RGSL1: variants seen among roughly 807,000 people sequenced by gnomAD.
RGSL1 encodes the protein regulator of G protein signaling protein-like.
Under a neutral mutation model 124.7 loss-of-function variants are expected in RGSL1, and 97 were observed. The observed-to-expected ratio is 0.78, with a 90% CI of 0.66 to 0.92. The LOEUF (loss-of-function observed/expected upper bound fraction) is 0.92. Among genes scored for constraint, RGSL1 ranks in the 40% least tolerant of loss-of-function variants. The pLI, the probability that RGSL1 is intolerant of heterozygous loss-of-function variation, is 0.00. For missense variants in RGSL1, 1,233 were observed against 1,288.4 expected, an observed-to-expected ratio of 0.96 and a Z score of 0.66; for synonymous variants, 424 against 438.1, an observed-to-expected ratio of 0.97 and a Z score of 0.40.
In RGSL1 at chr1:182,550,920, A is replaced by G. The variant is rs1660519973; in HGVS notation, c.2934-180A>G. The G allele has an allele frequency of 5.0e-6, 3 of 594,708 alleles. No homozygotes were observed. The South Asian group carries it at 6.3e-5, about 13-fold the overall frequency. 36.8% of individuals were successfully genotyped at this position (594,708 alleles called of 1,614,324 possible). On this transcript the variant is annotated intron_variant, in intron 17 of 21. Coordinates refer to ENST00000294854, the MANE Select transcript of RGSL1 (RefSeq NM_001137669.2). Reference sequence around the variant, plus strand: ...GCGCTGGAGCCAGGTCTGGACAAAGAGGAGGCCTCAGAACAAAGGCCACTG... The same window carrying G: ...GCGCTGGAGCCAGGTCTGGACAAAGGGGAGGCCTCAGAACAAAGGCCACTG...
At chr1:182,492,861 C>A (rs1044375492) in intron 8 of RGSL1, 161 bp from the exon 9 acceptor site, 2 of 609,682 alleles carry the variant, frequency 3.3e-6, no homozygotes, top group Non-Finnish European at 5.9e-6. Context: ...AATCTCCTGA[C>A]TTTGTGATCC....
chr1:182,508,736 G>C (rs1395123369), intron 9 of RGSL1, among the ~76,000 whole-genome samples: 1 of 136,148 alleles, frequency 7.3e-6, no homozygotes, highest in African/African-American at 2.8e-5. Context: ...TCTCACAGAG[G>C]GGGATTTGGC....
chr1:182,527,033 T>C (rs1228573895), intron 10 of RGSL1, among the ~76,000 whole-genome samples: 2 of 152,164 alleles, frequency 1.3e-5, no homozygotes, highest in Non-Finnish European at 2.9e-5. Context: ...ACTGGAGATA[T>C]AGTTTTGCTA....
chr1:182,512,315 T>C (rs951209812), intron 9 of RGSL1, among the ~76,000 whole-genome samples: 1 of 152,342 alleles, frequency 6.6e-6, no homozygotes, highest in African/African-American at 2.4e-5. Flanking sequence ...TTATCTGATG[T>C]AAGTATAGCT....
chr1:182,509,895 G>C (rs1204447092), intron 9 of RGSL1, among the ~76,000 whole-genome samples: 38 of 139,594 alleles, frequency 2.7e-4, no homozygotes, highest in Non-Finnish European at 5.5e-4. Flanking sequence ...GGTGGCTGCC[G>C]GGCGGAGAGG....
intron 21 of RGSL1, among the ~76,000 whole-genome samples, chr1:182,560,029 A>G (rs1001523856): frequency 6.6e-6 from 1 of 152,236 alleles, no homozygotes; most frequent in Non-Finnish European, 1.5e-5. Context: ...TAGTTGCCTC[A>G]TAAATACATA....
At chr1:182,458,500 C>T in intron 3 of RGSL1, 107 bp downstream of exon 3, 1 of 909,740 alleles carries the variant, frequency 1.1e-6, no homozygotes, top group Non-Finnish European at 1.7e-6. Flanking sequence ...GATGGGGTCT[C>T]ATTCTGTCAC....
Position 182,481,099 on chromosome 1 carries a change from G to T in RGSL1, c.1431+6557G>T, listed in dbSNP as rs560371268. Among the ~76,000 whole-genome samples, 9 of 152,078 alleles carry T rather than the reference G, an allele frequency of 5.9e-5. No individual in the cohort carries two copies. In the South Asian group the frequency reaches 1.7e-3, roughly 28 times the overall value. The stretch of plus-strand genomic sequence containing the variant: ...TTATCAGAAGGAAGAAGAGGATGAA[G>T]ATTAGAGAAGAAATAAATGAAATGG... On this transcript the variant is annotated intron_variant, in intron 6 of 21. Transcript: ENST00000294854.
intron 14 of RGSL1, among the ~76,000 whole-genome samples, chr1:182,534,561 C>T (rs1659410389): frequency 6.6e-6 from 1 of 152,204 alleles, no homozygotes; most frequent in Non-Finnish European, 1.5e-5. Flanking sequence ...GGCACGGTGG[C>T]TTACGCCTGT....
At chr1:182,539,706 C>T (rs1659765817) in intron 14 of RGSL1, among the ~76,000 whole-genome samples, 1 of 152,212 alleles carries the variant, frequency 6.6e-6, no homozygotes. Context: ...CTAAAGGAAG[C>T]ATTCTATTTT....
chr1:182,451,475 G>A (rs904047915), intron 1 of RGSL1, among the ~76,000 whole-genome samples: 12 of 116,366 alleles, frequency 1.0e-4, no homozygotes, highest in Non-Finnish European at 2.4e-4. Flanking sequence ...TAATTTGTGA[G>A]CTGACTGTGC....
chr1:182,465,839 A>G (rs1167292037), intron 4 of RGSL1, among the ~76,000 whole-genome samples: 2 of 152,112 alleles, frequency 1.3e-5, no homozygotes, highest in Non-Finnish European at 2.9e-5. Context: ...CCTGATACTA[A>G]AGCCAAACAA....
chr1:182,457,042 G>T (rs1652394026), intron 2 of RGSL1, among the ~76,000 whole-genome samples: 1 of 152,082 alleles, frequency 6.6e-6, no homozygotes, highest in South Asian at 2.1e-4. Flanking sequence ...GGCTACTAGG[G>T]AGGCTGAGGT....
intron 3 of RGSL1, among the ~76,000 whole-genome samples, chr1:182,459,390 C>A (rs1652620982): frequency 6.6e-6 from 1 of 152,142 alleles, no homozygotes; most frequent in Admixed American, 6.5e-5. Flanking sequence ...ACCCTGATAA[C>A]AACAAGGTTT....
rs1485093183 is a variant in RGSL1 at position 182,458,387 on chromosome 1, T to G, written c.165T>G (p.Cys55Trp). Reference sequence around the variant, plus strand: ...GGAGCTTGTGGCCAGAAATACCTTGTAACTTGGTGAGTAAAATTCTTCAGA... The same window carrying G: ...GGAGCTTGTGGCCAGAAATACCTTGGAACTTGGTGAGTAAAATTCTTCAGA... ...SQWSLWPEIP[C>W]NLIAKYKGLL... is the part of the protein sequence containing the mutation. Residue 55 changes from cysteine to tryptophan, a missense_variant, in exon 3 of 22, where the codon TGT becomes TGG. Coordinates refer to ENST00000294854, the MANE Select transcript of RGSL1 (RefSeq NM_001137669.2). The G allele has an allele frequency of 6.4e-7, 1 of 1,551,528 alleles. No homozygotes were observed. The highest frequency in any genetic ancestry group is 1.4e-5 in the African/African-American group (1 of 73,056).
Position 182,473,795 on chromosome 1 carries a change from A to G in RGSL1, c.684A>G (p.Gly228=). The change falls in exon 6 of 22, where the codon GGA becomes GGG. Residue 228 remains glycine, a synonymous_variant. Coordinates refer to ENST00000294854, the MANE Select transcript of RGSL1 (RefSeq NM_001137669.2). ...ACAGCGTTTGCTACACCCACATAGG[A>G]GGGCTCCCTCTGAACATGAGCATCA... ...RLYSVCYTHI[G]GLPLNMSIKK... is the part of the protein sequence containing the mutation. 4 of 1,551,702 alleles carry G rather than the reference A, an allele frequency of 2.6e-6. No individual in the cohort carries two copies. The highest frequency in any genetic ancestry group is 3.5e-6 in the Non-Finnish European group (4 of 1,146,988).
intron 4 of RGSL1, chr1:182,471,153 G>A (rs1411156607): frequency 2.5e-6 from 1 of 398,364 alleles, no homozygotes; most frequent in African/African-American, 2.1e-5. Context: ...TCTGGACCCT[G>A]CTCATCTAAC....
intron 4 of RGSL1, among the ~76,000 whole-genome samples, chr1:182,465,896 T>C (rs186039873): frequency 6.6e-6 from 1 of 152,182 alleles, no homozygotes; most frequent in East Asian, 1.9e-4. Context: ...CTGATGAACA[T>C]TGATGCAAAA....
intron 19 of RGSL1, 111 bp from the exon 20 acceptor site, chr1:182,554,516 T>G: frequency 1.2e-6 from 1 of 836,436 alleles, no homozygotes; most frequent in East Asian, 2.7e-5. Context: ...ACCCCTACAT[T>G]GGAGGTGTCC....
Sources: allele counts gnomAD v4.1 joint callset (sites outside exome capture counted in the v4.1 genomes callset), GRCh38; gene constraint gnomAD v4.1.1; transcripts MANE v1.5; gene names NCBI Gene and HGNC (gene_info 2026-07-23, HGNC 2026-07-21).